The following ACBD6 variants were observed in gnomAD, a reference collection of about 807,000 sequenced individuals.
ACBD6 encodes acyl-CoA-binding domain-containing protein 6.
In ACBD6, 28 loss-of-function variants were observed where a neutral mutation model predicts 37.2. The observed-to-expected ratio is 0.75, with a 90% CI of 0.56 to 1.03. The LOEUF is 1.03. Ranked by LOEUF, ACBD6 falls within the 50% of genes least tolerant of loss-of-function variation. The pLI, the probability that ACBD6 is intolerant of heterozygous loss-of-function variation, is 0.00. For synonymous variants in ACBD6, 113 were observed against 126.8 expected (o/e 0.89, Z 0.73); for missense variants, 340 against 337.4 (o/e 1.01, Z -0.06).
intron 9 of ACBD6, among the ~76,000 whole-genome samples, chr1:180,280,169 T>C (rs777160407): frequency 5.3e-5 from 8 of 151,990 alleles, no homozygotes; most frequent in Non-Finnish European, 1.2e-4. Context: ...GCTCATAGAG[T>C]CTTGTTAGGG....
At chr1:180,475,665 A>G (rs1355777027) in intron 3 of ACBD6, among the ~76,000 whole-genome samples, 1 of 152,110 alleles carries the variant, frequency 6.6e-6, no homozygotes, top group Non-Finnish European at 1.5e-5. Context: ...GATTACAGGC[A>G]TGAGCCACCA....
intron 6 of ACBD6, among the ~76,000 whole-genome samples, chr1:180,397,100 T>C (rs933698646): frequency 1.3e-5 from 2 of 152,144 alleles, no homozygotes; most frequent in Non-Finnish European, 2.9e-5. Context: ...ATCCAAAAAA[T>C]TCAGCCATAA....
chr1:180,488,354 T>C (rs1246779021), intron 3 of ACBD6, among the ~76,000 whole-genome samples: 2 of 152,208 alleles, frequency 1.3e-5, no homozygotes, highest in African/African-American at 4.8e-5. Context: ...AAAACATAGT[T>C]ATTTTTAAAG....
In ACBD6 at chr1:180,481,770, T is replaced by A. The variant is rs10914008; in HGVS notation, c.384+10499A>T. On this transcript the variant is annotated intron_variant, in intron 3 of 7. Coordinates refer to ENST00000367595, the MANE Select transcript of ACBD6 (RefSeq NM_032360.4). ...ACTCTAAGAGAGAAATATAATGGAT[T>A]CATGTTATTTACCCTGGAAAAGAGA... Among the ~76,000 whole-genome samples, 1,075 of 152,306 alleles carry A rather than the reference T, an allele frequency of 7.1e-3. 8 individuals are homozygous for A. Among genetic ancestry groups the A allele is most frequent in the African/African-American group, 0.024 (1,003 of 41,562 alleles).
chr1:180,491,037 T>C (rs1232240852), intron 3 of ACBD6, among the ~76,000 whole-genome samples: 3 of 151,664 alleles, frequency 2.0e-5, no homozygotes, highest in African/African-American at 7.3e-5. Flanking sequence ...ATATCCAAAG[T>C]TGGTTATCAC....
At chr1:180,284,409 G>A (rs1017224850), downstream of ACBD6, among the ~76,000 whole-genome samples, 16 of 151,646 alleles carry the variant, frequency 1.1e-4, no homozygotes, top group Admixed American at 9.2e-4. Context: ...TGTCATCCAG[G>A]CTGGAGTGCA....
intron 8 of ACBD6, among the ~76,000 whole-genome samples, chr1:180,283,229 G>A (rs1649370400): frequency 1.3e-5 from 2 of 152,080 alleles, no homozygotes; most frequent in South Asian, 4.2e-4. Context: ...GCAAGTGAGA[G>A]GAAAAATAAA....
chr1:180,283,931 C>G (rs544968007), downstream of ACBD6, among the ~76,000 whole-genome samples: 137 of 152,066 alleles, frequency 9.0e-4, no homozygotes, highest in African/African-American at 3.2e-3. Context: ...AAAAAAAACA[C>G]CCAAAAAACC....
At chr1:180,347,360 G>GTTTTTTTTTTTTTTTTTTTTTTTTTTT (rs775301259) in intron 6 of ACBD6, among the ~76,000 whole-genome samples, 1 of 49,074 alleles carries the variant, frequency 2.0e-5, no homozygotes, top group Non-Finnish European at 5.4e-5. Context: ...TCAACAGAAA[G>GTTTTTTTTTTTTTTTTTTTTTTTTTTT]TTTTTTTTTT....
chr1:180,424,533 C>T (rs904995962), intron 4 of ACBD6, among the ~76,000 whole-genome samples: 1 of 152,040 alleles, frequency 6.6e-6, no homozygotes, highest in Non-Finnish European at 1.5e-5. Context: ...GGTAAGGGGT[C>T]CTGTTCATAT....
chr1:180,350,975 A>G (rs1558261880), intron 6 of ACBD6, among the ~76,000 whole-genome samples: 2 of 152,170 alleles, frequency 1.3e-5, no homozygotes, highest in Non-Finnish European at 1.5e-5. Flanking sequence ...TCATGGAGTA[A>G]GTATTTAATA....
chr1:180,478,992 G>A lies in ACBD6; in HGVS notation c.384+13277C>T, dbSNP rs1237729243. ...AGAAAAAGAAAAAGAAAATTCGCTGGTGTGATGGCACACACCTGTAGTCCC... is the reference window on the plus strand; with the variant it reads ...AGAAAAAGAAAAAGAAAATTCGCTGATGTGATGGCACACACCTGTAGTCCC... On this transcript the variant is annotated intron_variant, in intron 3 of 7. Coordinates refer to ENST00000367595, the MANE Select transcript of ACBD6 (RefSeq NM_032360.4). Among the ~76,000 whole-genome samples, 65 of 152,084 alleles carry A rather than the reference G, an allele frequency of 4.3e-4. 1 individual carries two copies. The highest frequency in any genetic ancestry group is 1.5e-5 in the Non-Finnish European group (1 of 68,004).
chr1:180,486,683 T>A (rs759883052), intron 3 of ACBD6, among the ~76,000 whole-genome samples: 5 of 152,210 alleles, frequency 3.3e-5, no homozygotes, highest in Non-Finnish European at 5.9e-5. Flanking sequence ...GATATTTACA[T>A]AGTCTCAAAC....
chr1:180,379,439 C>A (rs1023025570), intron 6 of ACBD6, among the ~76,000 whole-genome samples: 44 of 151,916 alleles, frequency 2.9e-4, no homozygotes, highest in South Asian at 1.0e-3. Flanking sequence ...AAAAAGAATT[C>A]AAAAAATTGA....
chr1:180,432,741 A>T (rs1171675062), intron 3 of ACBD6, among the ~76,000 whole-genome samples: 2 of 152,186 alleles, frequency 1.3e-5, no homozygotes, highest in African/African-American at 4.8e-5. Context: ...TTAATGCCAC[A>T]GAAATACAAA....
intron 6 of ACBD6, among the ~76,000 whole-genome samples, chr1:180,339,161 C>T (rs1292270353): frequency 6.6e-6 from 1 of 152,182 alleles, no homozygotes; most frequent in Non-Finnish European, 1.5e-5. Context: ...TATCATTTGA[C>T]CCAGCCATCC....
chr1:180,431,855 G>A (rs1648824660), intron 3 of ACBD6, among the ~76,000 whole-genome samples: 1 of 152,104 alleles, frequency 6.6e-6, no homozygotes, highest in Non-Finnish European at 1.5e-5. Context: ...TAACATGGCG[G>A]AAAATCTAGG....
chr1:180,448,783 C>G (rs1015296654), intron 3 of ACBD6, among the ~76,000 whole-genome samples: 3 of 152,208 alleles, frequency 2.0e-5, no homozygotes, highest in African/African-American at 7.2e-5. Flanking sequence ...CTTCCTTCTG[C>G]TTCCTTCTAA....
At chr1:180,479,993 C>G (rs914438050) in intron 3 of ACBD6, among the ~76,000 whole-genome samples, 1 of 151,144 alleles carries the variant, frequency 6.6e-6, no homozygotes, top group Non-Finnish European at 1.5e-5. Flanking sequence ...TGTCTCAAAA[C>G]CAAAGAAAAA....
Sources: allele counts gnomAD v4.1 joint callset (sites outside exome capture counted in the v4.1 genomes callset), GRCh38; gene constraint gnomAD v4.1.1; transcripts MANE v1.5; gene names NCBI Gene and HGNC (gene_info 2026-07-23, HGNC 2026-07-21).